Variants in RBMS3 observed in about 807,000 individuals in gnomAD.
RBMS3 encodes the protein RNA-binding motif, single-stranded-interacting protein 3.
A neutral mutation model predicts 66.8 loss-of-function variants in RBMS3; 27 were observed. The observed-to-expected ratio is 0.40, with a 90% confidence interval of 0.30 to 0.56. RBMS3 has a LOEUF of 0.56. Ranked by LOEUF, RBMS3 falls within the 20% of genes least tolerant of loss-of-function variation. The probability of loss-of-function intolerance (pLI) is 0.40; values close to 1 mark genes in which losing one functional copy is unlikely to be tolerated. For missense variants in RBMS3, 513 were observed against 549.5 expected (o/e 0.93, Z 0.66); for synonymous variants, 188 against 183.0 (o/e 1.03, Z -0.22).
At chr3:29,972,261 C>G (rs1697277683) in intron 12 of RBMS3, among the ~76,000 whole-genome samples, 1 of 151,686 alleles carries the variant, frequency 6.6e-6, no homozygotes, top group Non-Finnish European at 1.5e-5. Flanking sequence ...GAGACTTTTT[C>G]ATTTTGTTTT....
chr3:29,938,765 C>T (rs1306865856), intron 11 of RBMS3, among the ~76,000 whole-genome samples: 1 of 151,982 alleles, frequency 6.6e-6, no homozygotes, highest in East Asian at 1.9e-4. Context: ...ATGGAAAGAT[C>T]AGTTGGCTTT....
chr3:29,741,206 T>C (rs2054627939), intron 5 of RBMS3, among the ~76,000 whole-genome samples: 1 of 152,172 alleles, frequency 6.6e-6, no homozygotes, highest in South Asian at 2.1e-4. Flanking sequence ...AATGTATACA[T>C]AGTAAACCAG....
At chr3:29,998,030 A>C (rs902185848) in intron 14 of RBMS3, among the ~76,000 whole-genome samples, 2 of 152,206 alleles carry the variant, frequency 1.3e-5, no homozygotes. Context: ...CCATCATCTC[A>C]GCCCCAAATC....
intron 4 of RBMS3, among the ~76,000 whole-genome samples, chr3:29,651,018 T>C (rs2050126201): frequency 3.9e-5 from 6 of 151,954 alleles, no homozygotes; most frequent in Admixed American, 3.9e-4. Context: ...TAGTTGTTGA[T>C]TTTTTTTGAT....
chr3:29,303,807 A>G (rs2125450884), intron 1 of RBMS3, among the ~76,000 whole-genome samples: 1 of 152,154 alleles, frequency 6.6e-6, no homozygotes, highest in Admixed American at 6.5e-5. Context: ...GATAACCGAC[A>G]CTGGGAAGAA....
At chr3:29,416,307 T>A (rs939028890) in intron 1 of RBMS3, among the ~76,000 whole-genome samples, 1 of 151,932 alleles carries the variant, frequency 6.6e-6, no homozygotes, top group Non-Finnish European at 1.5e-5. Flanking sequence ...TCCCTCCTTT[T>A]CCCCAACCTC....
chr3:29,743,726 A>C (rs1205981773), intron 5 of RBMS3, among the ~76,000 whole-genome samples: 1 of 142,436 alleles, frequency 7.0e-6, no homozygotes, highest in African/African-American at 2.6e-5. Flanking sequence ...AATTATTTGC[A>C]TTTCTTTTTT....
chr3:29,353,762 A>C (rs2037058587), intron 1 of RBMS3, among the ~76,000 whole-genome samples: 1 of 152,142 alleles, frequency 6.6e-6, no homozygotes. Flanking sequence ...ACCAAGGGGC[A>C]TATGGACTTC....
At chr3:29,959,362 G>T (rs974460559) in intron 12 of RBMS3, among the ~76,000 whole-genome samples, 15 of 152,276 alleles carry the variant, frequency 9.9e-5, no homozygotes, top group African/African-American at 3.1e-4. Context: ...AGCATCTCCT[G>T]AGAGCTTGTT....
chr3:29,345,751 G>A (rs2036535833), intron 1 of RBMS3, among the ~76,000 whole-genome samples: 1 of 152,182 alleles, frequency 6.6e-6, no homozygotes, highest in Admixed American at 6.5e-5. Context: ...CATGGCCAGA[G>A]GAGGCCATTA....
Position 29,693,463 on chromosome 3 carries a change from G to A in RBMS3, c.400-46257G>A, listed in dbSNP as rs554204271. On this transcript the variant is annotated intron_variant, in intron 4 of 14. Coordinates refer to ENST00000383767, the MANE Select transcript of RBMS3 (RefSeq NM_001003793.3). ...GCAAATATATATCTTATAAACAGGG[G>A]GATGGGAAAAGCATGCCAATTTATT... 1.1e-4 allele frequency among the ~76,000 whole-genome samples: 16 copies of A among 152,182 alleles called. 1 individual carries two copies. Among genetic ancestry groups the A allele is most frequent in the African/African-American group, 3.9e-4 (16 of 41,544 alleles).
intron 10 of RBMS3, among the ~76,000 whole-genome samples, chr3:29,924,039 AACAG>A (rs1211745248): frequency 6.6e-6 from 1 of 152,258 alleles, no homozygotes; most frequent in African/African-American, 2.4e-5. Flanking sequence ...AAATCTTTGC[AACAG>A]ACAAACTGAT....
At chr3:29,614,558 A>T (rs1339990748) in intron 4 of RBMS3, 1 of 152,142 alleles carries the variant, frequency 6.6e-6, no homozygotes, top group Non-Finnish European at 1.5e-5. Flanking sequence ...TTATGAAACA[A>T]AAATAAAATA....
In RBMS3 at chr3:29,498,708, C is replaced by T. The variant is rs551239180; in HGVS notation, c.307+10209C>T. Among the ~76,000 whole-genome samples the T allele has an allele frequency of 9.9e-5, 15 of 152,272 alleles. No individual in the cohort carries two copies. The East Asian group carries it at 1.7e-3, about 18-fold the overall frequency. On this transcript the variant is annotated intron_variant, in intron 3 of 14. Coordinates refer to ENST00000383767, the MANE Select transcript of RBMS3 (RefSeq NM_001003793.3). ...CTGCAATACAAAGGTATTTTCAGAA[C>T]TACATGGAACCATGTTTGTTATATG...
Position 29,756,890 on chromosome 3 carries a change from CACTACCCTCCT to C in RBMS3, c.558-6019_558-6009del, listed in dbSNP as rs577236623. On this transcript the variant is annotated intron_variant, in intron 5 of 14. Transcript: ENST00000383767. ...GTAGCTTCTGTAGCCTCTCTGGGCT[CACTACCCTCCT>C]GGCATATATCAGTGTCTTCACCAAA... Among the ~76,000 whole-genome samples, 6 of 152,264 alleles carry C rather than the reference CACTACCCTCCT, an allele frequency of 3.9e-5. No homozygotes were observed. The East Asian group carries it at 7.7e-4, about 20-fold the overall frequency.
At chr3:29,696,308 C>G (rs2052272376) in intron 4 of RBMS3, among the ~76,000 whole-genome samples, 1 of 152,102 alleles carries the variant, frequency 6.6e-6, no homozygotes, top group Admixed American at 6.5e-5. Flanking sequence ...ATTATGGTGC[C>G]AATCTCAGAG....
intron 3 of RBMS3, among the ~76,000 whole-genome samples, chr3:29,540,580 T>C (rs2045719355): frequency 6.6e-6 from 1 of 152,212 alleles, no homozygotes; most frequent in Non-Finnish European, 1.5e-5. Context: ...TTTACATACA[T>C]GATGTTACTA....
intron 6 of RBMS3, among the ~76,000 whole-genome samples, chr3:29,843,726 G>A (rs1042607764): frequency 2.0e-5 from 3 of 152,112 alleles, no homozygotes; most frequent in Non-Finnish European, 4.4e-5. Context: ...AGGCCAGGAG[G>A]GGTAGATAGC....
intron 10 of RBMS3, among the ~76,000 whole-genome samples, chr3:29,927,609 G>A (rs1229931451): frequency 6.6e-6 from 1 of 152,148 alleles, no homozygotes; most frequent in African/African-American, 2.4e-5. Context: ...AAGAATTTTA[G>A]AAGACACATA....
Sources: gnomAD v4.1 joint callset for allele counts (sites outside exome capture counted in the v4.1 genomes callset) on GRCh38, gnomAD v4.1.1 for gene constraint, MANE v1.5 for transcripts, NCBI Gene and HGNC (gene_info 2026-07-23, HGNC 2026-07-21) for gene names.